EPHA6: variants seen among roughly 807,000 people sequenced by gnomAD.
EPHA6 encodes EPH receptor A6.
A neutral mutation model predicts 112.0 loss-of-function variants in EPHA6; 50 were observed. The observed-to-expected ratio is 0.45, with a 90% CI of 0.36 to 0.56. The LOEUF (loss-of-function observed/expected upper bound fraction) is 0.56, where lower values mean the gene tolerates loss of function less well. EPHA6 is among the 20% of genes least tolerant of loss of function. The pLI, the probability that EPHA6 is intolerant of heterozygous loss-of-function variation, is 0.00. For synonymous variants in EPHA6, 529 were observed against 490.7 expected (o/e 1.08, Z -1.03); for missense variants, 1,280 against 1,417.4 (o/e 0.90, Z 1.56).
chr3:97,241,755 G>GTTTTTTTTTTTT (rs553996537), intron 4 of EPHA6, among the ~76,000 whole-genome samples: 3 of 116,892 alleles, frequency 2.6e-5, no homozygotes, highest in African/African-American at 5.6e-5. Context: ...CAGCCTTCTT[G>GTTTTTTTTTTTT]TTTTTTTTTT....
chr3:97,086,379 A>C (rs924542941), intron 3 of EPHA6, among the ~76,000 whole-genome samples: 1 of 152,074 alleles, frequency 6.6e-6, no homozygotes, highest in Non-Finnish European at 1.5e-5. Context: ...CATTCCTCAA[A>C]TTATAGTTTA....
chr3:97,139,142 A>G (rs1035992715), intron 3 of EPHA6, among the ~76,000 whole-genome samples: 2 of 152,134 alleles, frequency 1.3e-5, no homozygotes, highest in Admixed American at 6.5e-5. Flanking sequence ...TGTCACCTTC[A>G]GGCACCTTGG....
chr3:97,417,781 G>A (rs1234406262), intron 6 of EPHA6, among the ~76,000 whole-genome samples: 1 of 152,080 alleles, frequency 6.6e-6, no homozygotes, highest in African/African-American at 2.4e-5. Flanking sequence ...GCTGAGCTAA[G>A]GTACTGAAGG....
At chr3:97,433,376 T>A (rs1036781046) in intron 6 of EPHA6, among the ~76,000 whole-genome samples, 1 of 152,204 alleles carries the variant, frequency 6.6e-6, no homozygotes, top group Admixed American at 6.5e-5. Flanking sequence ...AAACCTTAAT[T>A]TTTTTTGGAC....
rs2078346654 is a variant in EPHA6 at position 97,226,098 on chromosome 3, A to C, written c.1115-166A>C. Among the ~76,000 whole-genome samples, 2 of 152,186 alleles carry C rather than the reference A, an allele frequency of 1.3e-5. 1 individual carries two copies. The highest frequency in any genetic ancestry group is 4.1e-4 in the South Asian group (2 of 4,830). On this transcript the variant is annotated intron_variant, in intron 3 of 17. Coordinates refer to ENST00000389672, the MANE Select transcript of EPHA6 (RefSeq NM_001080448.3). Reference sequence around the variant, plus strand: ...TTGCATTGTGGTTTTATTAACTCTCAATAACTAATTTCATTTGTTAATCTT... The same window carrying C: ...TTGCATTGTGGTTTTATTAACTCTCCATAACTAATTTCATTTGTTAATCTT...
intron 14 of EPHA6, 86 bp from the exon 15 acceptor site, chr3:97,720,171 ATCTT>A (rs1327388331): frequency 6.9e-6 from 8 of 1,165,574 alleles, no homozygotes; most frequent in Non-Finnish European, 9.2e-6. Flanking sequence ...AAGTATTTAG[ATCTT>A]TCTAATAAAA....
chr3:97,123,909 C>CAGAGAG (rs373822731), intron 3 of EPHA6, among the ~76,000 whole-genome samples: 2 of 148,786 alleles, frequency 1.3e-5, no homozygotes, highest in Admixed American at 6.7e-5. Flanking sequence ...GAGGGAGAGA[C>CAGAGAG]AGAGAGAGAG....
chr3:97,068,177 AAAAAG>A (rs1315095188), intron 3 of EPHA6, among the ~76,000 whole-genome samples: 1 of 151,668 alleles, frequency 6.6e-6, no homozygotes, highest in Non-Finnish European at 1.5e-5. Flanking sequence ...AAAAAAAAAA[AAAAAG>A]AGTCAGGGAT....
rs529683414 is a variant in EPHA6, at chr3:97,635,857, C to G, written c.2575-2016C>G. On this transcript the variant is annotated intron_variant, in intron 13 of 17. Transcript: ENST00000389672. ...ACAAATTGGTGCTTTGTGACACACT[C>G]GGCATAGATAGAACATTAAATTTCA... is the stretch of plus-strand genomic sequence containing the variant. 6.4e-4 allele frequency among the ~76,000 whole-genome samples: 98 copies of G among 152,020 alleles called. 3 individuals carry two copies. Among genetic ancestry groups the G allele is most frequent in the Admixed American group, 6.4e-3 (98 of 15,244 alleles).
Position 97,437,825 on chromosome 3 carries a change from AT to A in EPHA6, c.1732-10737del, listed in dbSNP as rs568843685. Among the ~76,000 whole-genome samples, 969 of 151,914 alleles carry A rather than the reference AT, an allele frequency of 6.4e-3. 4 individuals carry two copies. The highest frequency in any genetic ancestry group is 0.021 in the African/African-American group (888 of 41,434). On this transcript the variant is annotated intron_variant, in intron 6 of 17. Coordinates refer to ENST00000389672, the MANE Select transcript of EPHA6 (RefSeq NM_001080448.3). Reference sequence around the variant, plus strand: ...CCTCAAATTTTCTTATAATAAATATATTTTTTCCTCTCCATTTTCCCCCTTT... The same window carrying A: ...CCTCAAATTTTCTTATAATAAATATATTTTTCCTCTCCATTTTCCCCCTTT...
intron 3 of EPHA6, among the ~76,000 whole-genome samples, chr3:97,047,998 A>G (rs1437197992): frequency 6.6e-6 from 1 of 152,218 alleles, no homozygotes; most frequent in Non-Finnish European, 1.5e-5. Flanking sequence ...AGCTCTACTC[A>G]TAGAAATATC....
intron 6 of EPHA6, among the ~76,000 whole-genome samples, chr3:97,428,031 C>G (rs923935610): frequency 1.3e-5 from 2 of 151,332 alleles, no homozygotes; most frequent in Non-Finnish European, 2.9e-5. Context: ...CAAACCTGCA[C>G]ATGTATTTCC....
rs180711398 is a variant in EPHA6, at chr3:97,423,855, A to G, written c.1731+18581A>G. Among the ~76,000 whole-genome samples, 231 of 152,330 alleles carry G rather than the reference A, an allele frequency of 1.5e-3. 1 individual carries two copies. Among genetic ancestry groups the G allele is most frequent in the African/African-American group, 5.1e-3 (210 of 41,580 alleles). ...AACCCAGAAATAAAGCCTCACACCT[A>G]TGGCCATCTGATCTTCTACAAAGTC... On this transcript the variant is annotated intron_variant, in intron 6 of 17. Coordinates refer to ENST00000389672, the MANE Select transcript of EPHA6 (RefSeq NM_001080448.3).
At chr3:97,109,529 G>A (rs1576503615) in intron 3 of EPHA6, among the ~76,000 whole-genome samples, 1 of 152,146 alleles carries the variant, frequency 6.6e-6, no homozygotes, top group East Asian at 1.9e-4. Flanking sequence ...TAAAGCAACT[G>A]TCAGTAACTG....
chr3:97,512,855 G>A (rs1295160560), intron 10 of EPHA6, among the ~76,000 whole-genome samples: 2 of 152,106 alleles, frequency 1.3e-5, no homozygotes, highest in Admixed American at 6.6e-5. Flanking sequence ...GTGAGCTGCC[G>A]CGTCTGGCCC....
At chr3:96,869,767 AT>A (rs2107467234) in intron 2 of EPHA6, among the ~76,000 whole-genome samples, 1 of 152,194 alleles carries the variant, frequency 6.6e-6, no homozygotes, top group South Asian at 2.1e-4. Context: ...AAAATCAGAT[AT>A]CATTTTCAAC....
At chr3:96,974,193 A>C (rs2042429798) in intron 2 of EPHA6, among the ~76,000 whole-genome samples, 1 of 147,238 alleles carries the variant, frequency 6.8e-6, no homozygotes, top group Admixed American at 6.8e-5. Context: ...TACAAATAAT[A>C]TATTAAAATT....
chr3:97,240,356 T>C (rs1476625697), intron 4 of EPHA6, among the ~76,000 whole-genome samples: 1 of 151,898 alleles, frequency 6.6e-6, no homozygotes, highest in Non-Finnish European at 1.5e-5. Flanking sequence ...TTTCTGTTAA[T>C]AAACCATGCA....
intron 3 of EPHA6, among the ~76,000 whole-genome samples, chr3:97,151,937 A>G (rs906626022): frequency 6.6e-6 from 1 of 152,034 alleles, no homozygotes; most frequent in African/African-American, 2.4e-5. Flanking sequence ...TTATTAATAA[A>G]TGGAATTTAC....
Sources: allele counts gnomAD v4.1 joint callset (sites outside exome capture counted in the v4.1 genomes callset), GRCh38; gene constraint gnomAD v4.1.1; transcripts MANE v1.5; gene names NCBI Gene and HGNC (gene_info 2026-07-23, HGNC 2026-07-21).